Variants in RAB3IP observed in about 807,000 individuals in gnomAD.
RAB3IP encodes RAB3A interacting protein.
In RAB3IP, 36 loss-of-function variants were observed where a neutral mutation model predicts 59.1. That is an observed-to-expected ratio of 0.61 (90% CI 0.47 to 0.80). The LOEUF is 0.80. Ranked by LOEUF, RAB3IP falls within the 30% of genes least tolerant of loss-of-function variation. RAB3IP has a pLI of 0.00. For missense variants in RAB3IP, 511 were observed against 536.0 expected (o/e 0.95, Z 0.46); for synonymous variants, 207 against 191.2 (o/e 1.08, Z -0.68).
chr12:69,820,443 C>T lies in RAB3IP; in HGVS notation c.*4997C>T, dbSNP rs1455986891. 1.3e-5 allele frequency: 2 copies of T among 152,090 alleles called. No individual in the cohort carries two copies. Among genetic ancestry groups the T allele is most frequent in the African/African-American group, 2.4e-5 (1 of 41,374 alleles). 9.4% of individuals were successfully genotyped at this position (152,090 alleles called of 1,614,324 possible). On this transcript the variant is annotated 3_prime_UTR_variant, in exon 11 of 11. Transcript: ENST00000247833. ...AATGTCTGCTGTCCTTGCATCCACTCCTGCCCTCCTACAATCACTGACGGC... is the reference window on the plus strand; with the variant it reads ...AATGTCTGCTGTCCTTGCATCCACTTCTGCCCTCCTACAATCACTGACGGC...
intron 1 of RAB3IP, chr12:69,739,998 TC>T: frequency 1.2e-6 from 1 of 801,284 alleles, no homozygotes; most frequent in Non-Finnish European, 2.1e-6. Flanking sequence ...CCCAACTCCT[TC>T]CGTTCAGTGT....
intron 6 of RAB3IP, among the ~76,000 whole-genome samples, chr12:69,798,448 C>T (rs367835165): frequency 7.3e-5 from 11 of 150,592 alleles, no homozygotes; most frequent in East Asian, 2.0e-4. Flanking sequence ...GAGTAGGTTG[C>T]GAAAATTTTC....
chr12:69,760,145 A>G, intron 3 of RAB3IP, among the ~76,000 whole-genome samples: 1 of 152,254 alleles, frequency 6.6e-6, no homozygotes, highest in Non-Finnish European at 1.5e-5. Flanking sequence ...CGGGAGGCCG[A>G]GGCTGGCGGA....
At chr12:69,806,570 GTT>G (rs35262716) in intron 8 of RAB3IP, among the ~76,000 whole-genome samples, 1 of 68,488 alleles carries the variant, frequency 1.5e-5, no homozygotes, top group African/African-American at 6.4e-5. Context: ...TGCTTCTCTA[GTT>G]TTTTTTTTTT....
chr12:69,794,901 A>G (rs977563792), intron 5 of RAB3IP, among the ~76,000 whole-genome samples: 1 of 152,212 alleles, frequency 6.6e-6, no homozygotes, highest in African/African-American at 2.4e-5. Context: ...GAAAATTCAC[A>G]TAAATGTTAG....
chr12:69,764,499 CTA>C (rs1480897595), intron 3 of RAB3IP, among the ~76,000 whole-genome samples: 1 of 152,114 alleles, frequency 6.6e-6, no homozygotes, highest in Non-Finnish European at 1.5e-5. Context: ...TTCCATTAGT[CTA>C]TGTGTCTGTT....
chr12:69,812,833 G>C lies in RAB3IP; in HGVS notation c.1186G>C (p.Asp396His). The change falls in exon 9 of 11, where the codon GAC (aspartate) becomes CAC (histidine). Residue 396 changes from aspartate (D) to histidine (H), a missense_variant. Asp to His is a moderately conservative substitution (Grantham distance 81, BLOSUM62 -1). Coordinates refer to ENST00000247833, the MANE Select transcript of RAB3IP (RefSeq NM_022456.5). The part of the protein sequence containing the change: ...KSCKHRIKLG[D>H]SSNYYYISPF... ...CTGTAAACACAGAATTAAATTAGGGGACTCAAGCAACTATTATTATATTTC... is the reference window on the plus strand; with the variant it reads ...CTGTAAACACAGAATTAAATTAGGGCACTCAAGCAACTATTATTATATTTC... The C allele has an allele frequency of 6.2e-7, 1 of 1,613,184 alleles. No individual in the cohort carries two copies. The highest frequency in any genetic ancestry group is 2.2e-5 in the East Asian group (1 of 44,864).
chr12:69,762,331 T>C (rs1284158705), intron 3 of RAB3IP, among the ~76,000 whole-genome samples: 2 of 152,252 alleles, frequency 1.3e-5, no homozygotes, highest in African/African-American at 4.8e-5. Flanking sequence ...CCTTGCACTC[T>C]ACTCCAGATC....
intron 8 of RAB3IP, among the ~76,000 whole-genome samples, chr12:69,804,595 C>T (rs574140122): frequency 3.3e-5 from 5 of 152,260 alleles, no homozygotes; most frequent in East Asian, 1.9e-4. Flanking sequence ...AATGGTATTG[C>T]GTAGGTTTTC....
At chr12:69,781,031 TTGATTTGAGAGCTTCAAGTTG>T (rs1377799058) in intron 3 of RAB3IP, among the ~76,000 whole-genome samples, 2 of 152,234 alleles carry the variant, frequency 1.3e-5, no homozygotes, top group East Asian at 3.8e-4. Flanking sequence ...TTTATCCCAG[TTGATTTGAGAGCTTCAAGTTG>T]TAACTCTTTT....
chr12:69,811,079 G>A (rs760654265), intron 8 of RAB3IP, among the ~76,000 whole-genome samples: 9 of 152,186 alleles, frequency 5.9e-5, no homozygotes, highest in Non-Finnish European at 1.2e-4. Flanking sequence ...CATGTCCTTT[G>A]CAGGGACATG....
chr12:69,754,387 T>C (rs1830294406), intron 1 of RAB3IP, among the ~76,000 whole-genome samples: 1 of 151,914 alleles, frequency 6.6e-6, no homozygotes. Flanking sequence ...TATGTATACA[T>C]TGAGATATTA....
rs1382781016 is a variant in RAB3IP at position 69,753,211 on chromosome 12, A to C, written c.-25-2173A>C. 2.0e-5 allele frequency among the ~76,000 whole-genome samples: 3 copies of C among 152,192 alleles called. No homozygotes were observed. The East Asian group carries it at 5.8e-4, about 29-fold the overall frequency. On this transcript the variant is annotated intron_variant, in intron 1 of 10. Coordinates refer to ENST00000247833, the MANE Select transcript of RAB3IP (RefSeq NM_022456.5). ...ATGATACTGAGTCAGATCTCTTTCA[A>C]CTTTGCTGAAATCTTTTTGTTTTTA...
At chr12:69,782,315 C>T (rs542745129) in intron 3 of RAB3IP, among the ~76,000 whole-genome samples, 2 of 152,192 alleles carry the variant, frequency 1.3e-5, no homozygotes, top group Non-Finnish European at 2.9e-5. Flanking sequence ...CAGGCACGCG[C>T]CACCATGCGT....
intron 3 of RAB3IP, among the ~76,000 whole-genome samples, chr12:69,771,866 G>A (rs990624690): frequency 9.9e-5 from 15 of 152,086 alleles, no homozygotes; most frequent in Non-Finnish European, 1.6e-4. Context: ...CCTCATGGTG[G>A]TTTTGATTTG....
chr12:69,805,607 C>T (rs1233676489), intron 8 of RAB3IP, among the ~76,000 whole-genome samples: 45 of 151,146 alleles, frequency 3.0e-4, no homozygotes, highest in African/African-American at 1.1e-3. Context: ...AGTTTTTGTC[C>T]ATTCAGTATG....
intron 3 of RAB3IP, among the ~76,000 whole-genome samples, chr12:69,761,132 A>G (rs1015054347): frequency 4.6e-5 from 7 of 152,008 alleles, no homozygotes. Context: ...GGTAGTTTCT[A>G]TTGCTATGTC....
At chr12:69,768,862 G>A (rs1179451792) in intron 3 of RAB3IP, among the ~76,000 whole-genome samples, 1 of 152,122 alleles carries the variant, frequency 6.6e-6, no homozygotes, top group East Asian at 1.9e-4. Flanking sequence ...GAATGGCCAT[G>A]TTGCCAGGTT....
rs1471494529 is a variant in RAB3IP, at chr12:69,812,837, C to T, written c.1190C>T (p.Ser397Leu). 2 of 1,613,052 alleles carry T rather than the reference C, an allele frequency of 1.2e-6. No individual in the cohort carries two copies. The highest frequency in any genetic ancestry group is 1.1e-5 in the South Asian group (1 of 91,056). The change falls in exon 9 of 11, where the codon TCA (serine) becomes TTA (leucine). Residue 397 changes from serine (S) to leucine (L), a missense_variant. Transcript: ENST00000247833. ...SCKHRIKLGD[S>L]SNYYYISPFC... ...AAACACAGAATTAAATTAGGGGACT[C>T]AAGCAACTATTATTATATTTCTCCT...
Sources: allele counts gnomAD v4.1 joint callset (sites outside exome capture counted in the v4.1 genomes callset), GRCh38; gene constraint gnomAD v4.1.1; transcripts MANE v1.5; gene names NCBI Gene and HGNC (gene_info 2026-07-23, HGNC 2026-07-21).